The following MTERF2 variants were observed in gnomAD, a reference collection of about 807,000 sequenced individuals.
MTERF2 encodes transcription termination factor 2, mitochondrial.
MTERF2 carries 23 observed loss-of-function variants against 29.2 expected under a neutral mutation model. The ratio of observed to expected loss-of-function variants is 0.79; its 90% confidence interval spans 0.57 to 1.12. MTERF2 has a LOEUF of 1.12. MTERF2 is among the 50% of genes most tolerant of loss of function. MTERF2 has a pLI of 0.00. For missense variants in MTERF2, 440 were observed against 429.4 expected (o/e 1.02, Z -0.22); for synonymous variants, 157 against 159.5 (o/e 0.98, Z 0.12).
At chr12:106,985,502 T>G (rs1952101035) in intron 1 of MTERF2, 1 of 152,264 alleles carries the variant, frequency 6.6e-6, no homozygotes, top group African/African-American at 2.4e-5. Flanking sequence ...CACGAATACA[T>G]GAAGCCTCCT....
At chr12:106,980,247 T>C (rs960919794) in intron 2 of MTERF2, among the ~76,000 whole-genome samples, 13 of 152,116 alleles carry the variant, frequency 8.5e-5, no homozygotes, top group African/African-American at 2.7e-4. Context: ...TCATAAGGAA[T>C]CAAAGACCCA....
chr12:106,984,060 C>A (rs1396403356), intron 2 of MTERF2, among the ~76,000 whole-genome samples: 1 of 152,232 alleles, frequency 6.6e-6, no homozygotes, highest in East Asian at 1.9e-4. Flanking sequence ...CAGACATAAA[C>A]CTATCACTAG....
At chr12:106,982,234 G>C (rs1370694101) in intron 2 of MTERF2, among the ~76,000 whole-genome samples, 1 of 152,202 alleles carries the variant, frequency 6.6e-6, no homozygotes, top group South Asian at 2.1e-4. Context: ...TGGACTTGCT[G>C]AAAGATAGTG....
At chr12:106,984,264 C>T (rs1207163830) in intron 2 of MTERF2, among the ~76,000 whole-genome samples, 2 of 152,190 alleles carry the variant, frequency 1.3e-5, no homozygotes, top group Non-Finnish European at 2.9e-5. Flanking sequence ...CAAACCCTCT[C>T]TCTCTCCACT....
At position 106,986,640 on chromosome 12, in the gene MTERF2, T is replaced by C. The variant is rs939330687; in HGVS notation, c.-169+329A>G. The C allele has an allele frequency of 1.1e-4, 17 of 152,238 alleles. No homozygotes were observed. In the East Asian group the frequency reaches 3.3e-3, roughly 29 times the overall value. 9.4% of individuals were successfully genotyped at this position (152,238 alleles called of 1,614,324 possible). On this transcript the variant is annotated intron_variant, in intron 1 of 2. Transcript: ENST00000240050. ...TTGTTTCTTAAGCATTTTTGGGGAGTGAAATTCACTTCTGTAATACACAGT... is the reference window on the plus strand; with the variant it reads ...TTGTTTCTTAAGCATTTTTGGGGAGCGAAATTCACTTCTGTAATACACAGT...
At chr12:106,982,567 T>G (rs1037844764) in intron 2 of MTERF2, among the ~76,000 whole-genome samples, 2 of 152,254 alleles carry the variant, frequency 1.3e-5, no homozygotes, top group Admixed American at 1.3e-4. Flanking sequence ...TTATTCACAG[T>G]AAGTATCTAA....
intron 1 of MTERF2, 130 bp from the exon 2 acceptor site, chr12:106,985,355 T>A (rs982614201): frequency 6.6e-6 from 1 of 152,290 alleles, no homozygotes; most frequent in East Asian, 1.9e-4. Flanking sequence ...ACCAGCTGCA[T>A]TTGCTTCCTG....
intron 2 of MTERF2, among the ~76,000 whole-genome samples, chr12:106,984,076 C>G (rs1360903298): frequency 6.6e-6 from 1 of 152,174 alleles, no homozygotes; most frequent in Non-Finnish European, 1.5e-5. Context: ...ACTAGCTCCC[C>G]TTCACAGCTT....
chr12:106,987,046 C>T lies in MTERF2; in HGVS notation c.-246G>A, dbSNP rs1306100720. ...GTCCTTCCCTCTCTCTCCGGCCAGC[C>T]TCCCCACAGTCCGCAGTCCCCGAGG... is the stretch of plus-strand genomic sequence containing the variant. On this transcript the variant is annotated 5_prime_UTR_variant, in exon 1 of 3. Transcript: ENST00000240050. 3 of 152,606 alleles carry T rather than the reference C, an allele frequency of 2.0e-5. No homozygotes were observed. The highest frequency in any genetic ancestry group is 4.8e-5 in the African/African-American group (2 of 41,476). 9.5% of individuals were successfully genotyped at this position (152,606 alleles called of 1,614,324 possible).
chr12:106,977,994 T>C lies in MTERF2; in HGVS notation c.721A>G (p.Ser241Gly). The C allele has an allele frequency of 1.2e-6, 2 of 1,614,210 alleles. No individual in the cohort carries two copies. Among genetic ancestry groups the C allele is most frequent in the Non-Finnish European group, 1.7e-6 (2 of 1,180,020 alleles). ...GATAGAAGCTGGAGAATTTCAAAGC[T>C]GGTGAAACCTTGCTCCTGGAGAAAT... Reference protein sequence around the residue: ...LEFLQEQGFTSFEILQLLSKL... With the variant: ...LEFLQEQGFTGFEILQLLSKL... Residue 241 changes from serine (S) to glycine (G), a missense_variant, in exon 3 of 3, where the codon AGC (serine) becomes GGC (glycine). By Grantham distance (56) the Ser-to-Gly change is moderately conservative (BLOSUM62 0). Coordinates refer to ENST00000240050, the MANE Select transcript of MTERF2 (RefSeq NM_001033050.3).
rs1163432876 is a variant in MTERF2, at chr12:106,978,074, C to T, written c.641G>A (p.Ser214Asn). 2 of 1,613,930 alleles carry T rather than the reference C, an allele frequency of 1.2e-6. No homozygotes were observed. The highest frequency in any genetic ancestry group is 1.7e-5 in the Admixed American group (1 of 59,956). The stretch of plus-strand genomic sequence containing the variant: ...ATTTAACAAAATAAATGGGTTTTGG[C>T]TTAACAATTTTAGTAGCCAAACTTT... ...NMKVWLLKLL[S>N]QNPFILLNSP... The change falls in exon 3 of 3, where the codon AGC (serine) becomes AAC (asparagine). Residue 214 changes from serine to asparagine, a missense_variant. Transcript: ENST00000240050.
At chr12:106,985,760 CTTA>C (rs1376604065) in intron 1 of MTERF2, 1 of 152,262 alleles carries the variant, frequency 6.6e-6, no homozygotes, top group Non-Finnish European at 1.5e-5. Flanking sequence ...TACTGCAGCA[CTTA>C]TTATGCTCTT....
chr12:106,978,406 T>C lies in MTERF2; in HGVS notation c.309A>G (p.Glu103=). The C allele has an allele frequency of 6.2e-7, 1 of 1,614,246 alleles. No homozygotes were observed. The highest frequency in any genetic ancestry group is 1.3e-5 in the African/African-American group (1 of 75,064). Residue 103 remains glutamate (E), a synonymous_variant, in exon 3 of 3, where the codon GAA becomes GAG. Coordinates refer to ENST00000240050, the MANE Select transcript of MTERF2 (RefSeq NM_001033050.3). Reference sequence around the variant, plus strand: ...CAGCGGTTGGACTACAGACAATTGCTTCCGGGCAGCGTTCCAAAATACTGG... The same window carrying C: ...CAGCGGTTGGACTACAGACAATTGCCTCCGGGCAGCGTTCCAAAATACTGG... The part of the protein sequence containing the change: ...AVASILERCP[E]AIVCSPTAVN...
intron 1 of MTERF2, chr12:106,986,450 T>A (rs1952117896): frequency 6.6e-6 from 1 of 151,718 alleles, no homozygotes; most frequent in Non-Finnish European, 1.5e-5. Flanking sequence ...TGCCCAAGGT[T>A]ACTCAGCTAA....
At chr12:106,979,489 C>T (rs1566232419) in intron 2 of MTERF2, among the ~76,000 whole-genome samples, 1 of 152,096 alleles carries the variant, frequency 6.6e-6, no homozygotes, top group Non-Finnish European at 1.5e-5. Flanking sequence ...GTTGTAATTC[C>T]AGCACTTTGG....
At chr12:106,983,489 G>A (rs1290172219) in intron 2 of MTERF2, among the ~76,000 whole-genome samples, 1 of 152,174 alleles carries the variant, frequency 6.6e-6, no homozygotes, top group East Asian at 1.9e-4. Flanking sequence ...GAACAAAGCA[G>A]TTAATTTCAC....
intron 2 of MTERF2, among the ~76,000 whole-genome samples, chr12:106,979,961 G>A (rs1231284343): frequency 1.3e-5 from 2 of 152,032 alleles, no homozygotes; most frequent in African/African-American, 2.4e-5. Context: ...GCAGTGGCGC[G>A]ATCTTGGCTC....
At position 106,978,101 on chromosome 12, in the gene MTERF2, A is replaced by G. The variant is rs774913614; in HGVS notation, c.614T>C (p.Met205Thr). The change falls in exon 3 of 3, where the codon ATG (methionine) becomes ACG (threonine). Residue 205 changes from methionine (M) to threonine (T), a missense_variant. Transcript: ENST00000240050. The stretch of plus-strand genomic sequence containing the variant: ...TAACAATTTTAGTAGCCAAACTTTC[A>G]TGTTGGCCTCAGAGCCACCTACATC... ...YLDVGGSEAN[M>T]KVWLLKLLSQ... 2 of 1,613,962 alleles carry G rather than the reference A, an allele frequency of 1.2e-6. No homozygotes were observed. The highest frequency in any genetic ancestry group is 1.3e-5 in the African/African-American group (1 of 74,918).
chr12:106,982,153 C>A (rs544904076), intron 2 of MTERF2, among the ~76,000 whole-genome samples: 3 of 152,230 alleles, frequency 2.0e-5, no homozygotes, highest in Admixed American at 1.3e-4. Context: ...ATAATGTAAC[C>A]CCCAACCAAG....
Sources: allele counts gnomAD v4.1 joint callset (sites outside exome capture counted in the v4.1 genomes callset), GRCh38; gene constraint gnomAD v4.1.1; transcripts MANE v1.5; gene names NCBI Gene and HGNC (gene_info 2026-07-23, HGNC 2026-07-21).